The following IFT172 variants were observed in gnomAD, a reference collection of about 807,000 sequenced individuals.
IFT172 encodes intraflagellar transport protein 172 homolog.
Under a neutral mutation model 248.9 loss-of-function variants are expected in IFT172, and 164 were observed. The ratio of observed to expected loss-of-function variants is 0.66; its 90% CI spans 0.58 to 0.75. The LOEUF (loss-of-function observed/expected upper bound fraction) is 0.75, where lower values mean the gene tolerates loss of function less well. Ranked by LOEUF, IFT172 falls within the 30% of genes least tolerant of loss-of-function variation. The pLI is 0.00. For missense variants in IFT172, 1,950 were observed against 2,192.4 expected, an observed-to-expected ratio of 0.89 and a Z score of 2.21; for synonymous variants, 729 against 791.6, an observed-to-expected ratio of 0.92 and a Z score of 1.33.
At chr2:27,479,759 G>A (rs1382001114) in intron 9 of IFT172, among the ~76,000 whole-genome samples, 155 bp from the exon 10 acceptor site, 1 of 152,182 alleles carries the variant, frequency 6.6e-6, no homozygotes, top group African/African-American at 2.4e-5. Flanking sequence ...AAGGAAAGAG[G>A]CTACAATCAT....
In IFT172 at chr2:27,482,449, C is replaced by T. The variant is rs189655004; in HGVS notation, c.570+840G>A. ...CTGGGATTACAGGCATGTGCCACCACGCCCAGCTAATTTTTTTGTATTTAG... is the reference window on the plus strand; with the variant it reads ...CTGGGATTACAGGCATGTGCCACCATGCCCAGCTAATTTTTTTGTATTTAG... On this transcript the variant is annotated intron_variant, in intron 7 of 47. Coordinates refer to ENST00000260570, the MANE Select transcript of IFT172 (RefSeq NM_015662.3). 2.0e-3 allele frequency among the ~76,000 whole-genome samples: 303 copies of T among 151,940 alleles called. 2 individuals are homozygous for T. Among genetic ancestry groups the T allele is most frequent in the African/African-American group, 7.0e-3 (289 of 41,446 alleles).
Position 27,454,474 on chromosome 2 carries a change from A to G in IFT172, c.3466-56T>C, listed in dbSNP as rs10166551. ...TGAGAAGGAGACTGGCATCACAGGC[A>G]GGCATGAGACTGGGGGTCTGCACAC... On this transcript the variant is annotated intron_variant, in intron 31 of 47. Transcript: ENST00000260570. This position sits in a 1 kb window ranked among gnomAD's most constrained non-coding sequence, Gnocchi z 4.2. The G allele has an allele frequency of 6.6e-3, 10,607 of 1,613,504 alleles. 631 individuals are homozygous for G. The African/African-American group carries it at 0.13, about 19-fold the overall frequency.
chr2:27,471,185 G>A, intron 15 of IFT172, 90 bp from the exon 16 acceptor site: 2 of 1,285,254 alleles, frequency 1.6e-6, no homozygotes, highest in East Asian at 2.4e-5. Context: ...GAGATGTGGT[G>A]AGCTAACCCA....
intron 5 of IFT172, 48 bp downstream of exon 5, chr2:27,483,824 C>A: frequency 2.6e-6 from 4 of 1,521,278 alleles, no homozygotes; most frequent in Non-Finnish European, 3.7e-6. Context: ...CTCTCCAGAA[C>A]CATTATCCCT....
chr2:27,451,549 G>A (rs1009778997), intron 35 of IFT172, among the ~76,000 whole-genome samples: 1 of 152,110 alleles, frequency 6.6e-6, no homozygotes, highest in East Asian at 1.9e-4. Context: ...GGATCATGAG[G>A]TCAGGAGATG....
At position 27,483,652 on chromosome 2, in the gene IFT172, A is replaced by T; in HGVS notation, c.410T>A (p.Leu137Ter). 6.2e-7 allele frequency: 1 copy of T among 1,614,158 alleles called. No homozygotes were observed. Among genetic ancestry groups the T allele is most frequent in the Non-Finnish European group, 8.5e-7 (1 of 1,180,018 alleles). The change falls in exon 6 of 48, where the codon TTA (leucine) becomes TAA (stop). Residue 137 changes from leucine to a stop codon, truncating the protein, a stop_gained. Coordinates refer to ENST00000260570, the MANE Select transcript of IFT172 (RefSeq NM_015662.3). LOFTEE classifies it high-confidence loss of function. ...TGATTTATTAGTTTTGGTGTTTGCT[A>T]AACGAACCTGAAAATGGAAAAATTG... Reference protein sequence around the residue: ...VFGLAEGKVRLANTKTNKSST... With the variant: ...VFGLAEGKVR
At chr2:27,488,115 T>C (rs1668893691) in intron 1 of IFT172, among the ~76,000 whole-genome samples, 1 of 151,942 alleles carries the variant, frequency 6.6e-6, no homozygotes, top group East Asian at 1.9e-4. Flanking sequence ...CCCCAGCAGC[T>C]GGGCCTACAG....
chr2:27,465,899 C>G lies in IFT172; in HGVS notation c.1693-17G>C. 6.2e-7 allele frequency: 1 copy of G among 1,613,814 alleles called. No homozygotes were observed. The highest frequency in any genetic ancestry group is 8.5e-7 in the Non-Finnish European group (1 of 1,179,796). ...AACATCACCCTGTAAAAGTTTATCC[C>G]CCAACCCACCCCAATTTCAGGTTAG... is the stretch of plus-strand genomic sequence containing the variant. On this transcript the variant is annotated splice_polypyrimidine_tract_variant and intron_variant, in intron 16 of 47. Transcript: ENST00000260570.
At chr2:27,488,197 A>G (rs1364666055) in intron 1 of IFT172, among the ~76,000 whole-genome samples, 1 of 151,946 alleles carries the variant, frequency 6.6e-6, no homozygotes, top group Non-Finnish European at 1.5e-5. Context: ...CTTGTCCCCC[A>G]GGCTGGAGTG....
chr2:27,472,410 A>G (rs1164330808), intron 14 of IFT172, 48 bp from the exon 15 acceptor site: 1 of 1,430,580 alleles, frequency 7.0e-7, no homozygotes. Flanking sequence ...CCACACATAT[A>G]CATAGTATGG....
At position 27,445,242 on chromosome 2, in the gene IFT172, G is replaced by C; in HGVS notation, c.5068+54C>G. On this transcript the variant is annotated intron_variant, in intron 46 of 47. Coordinates refer to ENST00000260570, the MANE Select transcript of IFT172 (RefSeq NM_015662.3). This position sits in a 1 kb window ranked among gnomAD's most constrained non-coding sequence, Gnocchi z 4.4. Reference sequence around the variant, plus strand: ...GAATCCTAGTAAAATTAAGTTTATTGATCCTGCTGCTTTCTACCCACCACA... The same window carrying C: ...GAATCCTAGTAAAATTAAGTTTATTCATCCTGCTGCTTTCTACCCACCACA... 6.3e-7 allele frequency: 1 copy of C among 1,586,688 alleles called. No individual in the cohort carries two copies.
In IFT172 at chr2:27,445,039, C is replaced by T; in HGVS notation, c.5135G>A (p.Trp1712Ter). ...CTTGATGGCCATAAGGAATTTATTC[C>T]AGTTGTCCTTGTTAGCAGCCTTCCC... ...RPGKAANKDNWNKFLMAIKTS... is the reference protein window; with the variant it reads ...RPGKAANKDN Residue 1712 changes from tryptophan to a stop codon, truncating the protein, a stop_gained, in exon 47 of 48, where the codon TGG (tryptophan) becomes TAG (stop). Coordinates refer to ENST00000260570, the MANE Select transcript of IFT172 (RefSeq NM_015662.3). LOFTEE classifies it high-confidence loss of function. The surrounding 1 kb of genome is among the most constrained non-coding windows in gnomAD (Gnocchi z 4.4). 4 of 1,613,926 alleles carry T rather than the reference C, an allele frequency of 2.5e-6. No homozygotes were observed. Among genetic ancestry groups the T allele is most frequent in the East Asian group, 2.2e-5 (1 of 44,878 alleles).
chr2:27,466,042 A>G, intron 16 of IFT172, 160 bp from the exon 17 acceptor site: 1 of 797,012 alleles, frequency 1.3e-6, no homozygotes, highest in Non-Finnish European at 2.0e-6. Flanking sequence ...ATAAAAAAAT[A>G]CTTCATTTAT....
At chr2:27,469,347 T>C (rs1728912) in intron 16 of IFT172, among the ~76,000 whole-genome samples, 70,637 of 151,802 alleles carry the variant, frequency 0.47, 17,923 homozygotes, top group African/African-American at 0.67. Context: ...GAGCCAAGAT[T>C]GTGCCACTGT....
At position 27,454,547 on chromosome 2, in the gene IFT172, G is replaced by A. The variant is rs535204761; in HGVS notation, c.3465+20C>T. 2 of 1,612,816 alleles carry A rather than the reference G, an allele frequency of 1.2e-6. No individual in the cohort carries two copies. The highest frequency in any genetic ancestry group is 1.3e-5 in the African/African-American group (1 of 74,818). On this transcript the variant is annotated intron_variant, in intron 31 of 47. Coordinates refer to ENST00000260570, the MANE Select transcript of IFT172 (RefSeq NM_015662.3). The surrounding 1 kb of genome is among the most constrained non-coding windows in gnomAD (Gnocchi z 4.2). The stretch of plus-strand genomic sequence containing the variant: ...TGGAATAAGAGGGCTCTGCGGTCGG[G>A]GTCCAAATCACACCCATACCTCATC...
chr2:27,460,723 T>C (rs1377233842), intron 23 of IFT172, among the ~76,000 whole-genome samples: 2 of 117,542 alleles, frequency 1.7e-5, no homozygotes, highest in African/African-American at 3.4e-5. Context: ...CACAATTGTC[T>C]TGTGACCCTG....
intron 35 of IFT172, among the ~76,000 whole-genome samples, chr2:27,452,601 G>A (rs575635840): frequency 2.4e-4 from 37 of 152,294 alleles, no homozygotes; most frequent in African/African-American, 4.8e-4. Context: ...TAGAGGTTGC[G>A]TAGAGCTTAT....
chr2:27,447,480 C>T (rs1487731636), intron 42 of IFT172, 35 bp downstream of exon 42: 1 of 1,607,448 alleles, frequency 6.2e-7, no homozygotes, highest in African/African-American at 1.3e-5. Flanking sequence ...ATGAGCCCTT[C>T]TGACTGAGTG....
At position 27,453,695 on chromosome 2, in the gene IFT172, A is replaced by G. The variant is rs759026392; in HGVS notation, c.3756T>C (p.Tyr1252=). 8.7e-6 allele frequency: 14 copies of G among 1,612,158 alleles called. No homozygotes were observed. Among genetic ancestry groups the G allele is most frequent in the South Asian group, 4.4e-5 (4 of 90,944 alleles). ...GCAGAGCCTCCAGCTGGCTGGGCAC[A>G]TAGTCCTTGCAGATGCGCAGAGCGT... ...WSDALRICKD[Y]VPSQLEALQE... The change falls in exon 34 of 48, where the codon TAT becomes TAC. Residue 1252 remains tyrosine (Y), a synonymous_variant. Transcript: ENST00000260570.
Sources: gnomAD v4.1 joint callset for allele counts (sites outside exome capture counted in the v4.1 genomes callset) on GRCh38, gnomAD v4.1.1 for gene constraint, Gnocchi (gnomAD v3.1) non-coding constraint, MANE v1.5 for transcripts, NCBI Gene and HGNC (gene_info 2026-07-23, HGNC 2026-07-21) for gene names.